Variants in ELMO1 observed in about 807,000 individuals in gnomAD.
The protein encoded by ELMO1 is engulfment and cell motility 1, also known as engulfment and cell motility protein 1.
A neutral mutation model predicts 98.9 loss-of-function variants in ELMO1; 26 were observed. The observed-to-expected ratio is 0.26, with a 90% confidence interval of 0.19 to 0.36. The LOEUF (loss-of-function observed/expected upper bound fraction) is 0.36, where lower values mean the gene tolerates loss of function less well. ELMO1 is among the 10% of genes least tolerant of loss of function. The pLI, the probability that ELMO1 is intolerant of heterozygous loss-of-function variation, is 1.00. For missense variants in ELMO1, 627 were observed against 935.2 expected (o/e 0.67, Z 4.30); for synonymous variants, 346 against 346.0 (o/e 1.00, Z 0.00).
chr7:36,983,936 C>T lies in ELMO1; in HGVS notation c.1437+29363G>A, dbSNP rs187448370. ...CACATTCTTAAAGAGTTCCATGATC[C>T]AATAATAGCTTAAGAACTACTGTTT... On this transcript the variant is annotated intron_variant, in intron 16 of 21. Transcript: ENST00000310758. 3.8e-4 allele frequency among the ~76,000 whole-genome samples: 57 copies of T among 151,488 alleles called. 2 individuals carry two copies. In the East Asian group the frequency reaches 0.01, roughly 27 times the overall value.
chr7:37,079,118 G>C (rs1045996347), intron 15 of ELMO1, among the ~76,000 whole-genome samples: 13 of 152,282 alleles, frequency 8.5e-5, no homozygotes, highest in Admixed American at 2.0e-4. Context: ...TAAAGACAGA[G>C]ATATAGGTCT....
At chr7:36,861,377 G>C (rs527782914) in intron 21 of ELMO1, among the ~76,000 whole-genome samples, 1 of 152,232 alleles carries the variant, frequency 6.6e-6, no homozygotes, top group East Asian at 1.9e-4. Context: ...GCTGTAACCA[G>C]GGCCGCTTCT....
intron 2 of ELMO1, among the ~76,000 whole-genome samples, chr7:37,339,564 G>A (rs961433916): frequency 1.4e-4 from 21 of 152,200 alleles, no homozygotes; most frequent in African/African-American, 5.1e-4. Flanking sequence ...TAGAAGATTA[G>A]GAGAAAACCC....
At chr7:36,943,437 C>T (rs1787215678) in intron 16 of ELMO1, among the ~76,000 whole-genome samples, 1 of 152,228 alleles carries the variant, frequency 6.6e-6, no homozygotes. Context: ...TCTGTGCTCT[C>T]TGTTGGCATT....
chr7:37,095,681 G>T (rs1470800758), intron 15 of ELMO1, among the ~76,000 whole-genome samples: 1 of 152,158 alleles, frequency 6.6e-6, no homozygotes, highest in Non-Finnish European at 1.5e-5. Context: ...CCTGTAGTCA[G>T]TTCTACACTG....
intron 6 of ELMO1, among the ~76,000 whole-genome samples, chr7:37,248,453 T>A (rs1279723024): frequency 6.6e-6 from 1 of 152,094 alleles, no homozygotes; most frequent in Admixed American, 6.6e-5. Context: ...AGGGGGCAGA[T>A]CCTGTTTAGG....
chr7:37,332,013 G>A lies in ELMO1; in HGVS notation c.78+10600C>T, dbSNP rs139725724. On this transcript the variant is annotated intron_variant, in intron 2 of 21. Transcript: ENST00000310758. ...GTTTATACAGGTCAGGGTGGTCAACGAAGAAATGACAGCCGGAAATTATGA... is the reference window on the plus strand; with the variant it reads ...GTTTATACAGGTCAGGGTGGTCAACAAAGAAATGACAGCCGGAAATTATGA... 1.1e-3 allele frequency among the ~76,000 whole-genome samples: 167 copies of A among 152,270 alleles called. 3 individuals carry two copies. The Middle Eastern group carries it at 0.014, about 12-fold the overall frequency.
chr7:36,982,862 G>A (rs1272596203), intron 16 of ELMO1, among the ~76,000 whole-genome samples: 1 of 152,206 alleles, frequency 6.6e-6, no homozygotes, highest in African/African-American at 2.4e-5. Context: ...CAGGAGTGGA[G>A]GATTCACACA....
chr7:36,931,816 C>A (rs573291015), intron 16 of ELMO1, among the ~76,000 whole-genome samples: 1 of 152,258 alleles, frequency 6.6e-6, no homozygotes, highest in East Asian at 1.9e-4. Flanking sequence ...ACATCCTCCA[C>A]GAAAGGGAGA....
At chr7:36,943,861 A>G (rs749331759) in intron 16 of ELMO1, among the ~76,000 whole-genome samples, 1 of 152,226 alleles carries the variant, frequency 6.6e-6, no homozygotes, top group African/African-American at 2.4e-5. Flanking sequence ...CATGAAAGTC[A>G]TGCTAACTTC....
At chr7:36,957,722 T>C (rs145046279) in intron 16 of ELMO1, among the ~76,000 whole-genome samples, 1 of 152,216 alleles carries the variant, frequency 6.6e-6, no homozygotes, top group African/African-American at 2.4e-5. Context: ...GCCCATTCTG[T>C]GGAGTCCTGA....
chr7:37,443,306 C>T (rs991608111), intron 1 of ELMO1, among the ~76,000 whole-genome samples: 1 of 152,162 alleles, frequency 6.6e-6, no homozygotes, highest in African/African-American at 2.4e-5. Context: ...CTAAAACAGT[C>T]AAAACTGTAG....
At chr7:37,165,919 T>C (rs1016324521) in intron 13 of ELMO1, among the ~76,000 whole-genome samples, 7 of 152,132 alleles carry the variant, frequency 4.6e-5, no homozygotes, top group African/African-American at 1.7e-4. Flanking sequence ...ATGGTACCAG[T>C]TCCTCCTTGT....
chr7:37,120,411 T>A (rs1785925354), intron 14 of ELMO1, among the ~76,000 whole-genome samples: 1 of 152,174 alleles, frequency 6.6e-6, no homozygotes, highest in Admixed American at 6.5e-5. Flanking sequence ...CCTGGGAAAT[T>A]GGGTCACTCC....
intron 16 of ELMO1, among the ~76,000 whole-genome samples, chr7:36,912,808 A>C (rs1306140482): frequency 3.3e-5 from 5 of 152,234 alleles, no homozygotes. Context: ...TATCTGCCTC[A>C]AGCATAGTTA....
chr7:37,097,614 AAAAG>A (rs376379510), intron 14 of ELMO1, among the ~76,000 whole-genome samples: 2,203 of 151,928 alleles, frequency 0.015, 19 homozygotes, highest in Middle Eastern at 0.037. Context: ...AAGAGAAAAA[AAAAG>A]AAAGAAAGAA....
chr7:37,037,124 A>C (rs1432067648), intron 15 of ELMO1, among the ~76,000 whole-genome samples: 1 of 152,184 alleles, frequency 6.6e-6, no homozygotes, highest in Admixed American at 6.5e-5. Context: ...AATTTGTGGA[A>C]TTTTCCAGAT....
chr7:37,223,862 T>C (rs750000493), intron 9 of ELMO1, among the ~76,000 whole-genome samples: 5 of 152,222 alleles, frequency 3.3e-5, no homozygotes, highest in Admixed American at 6.5e-5. Context: ...TGGTAGTTTA[T>C]ATTATCAACA....
intron 15 of ELMO1, among the ~76,000 whole-genome samples, chr7:37,081,776 A>G (rs912012841): frequency 6.6e-6 from 1 of 152,210 alleles, no homozygotes; most frequent in Admixed American, 6.5e-5. Flanking sequence ...CAGCATGAAA[A>G]TGGACTAATA....
Sources: allele counts gnomAD v4.1 joint callset (sites outside exome capture counted in the v4.1 genomes callset), GRCh38; gene constraint gnomAD v4.1.1; transcripts MANE v1.5; gene names NCBI Gene and HGNC (gene_info 2026-07-23, HGNC 2026-07-21).